ASCC3: variants seen among roughly 807,000 people sequenced by gnomAD.
ASCC3 encodes the protein activating signal cointegrator 1 complex subunit 3, also known as ASC-1 complex subunit P200.
In ASCC3, 158 loss-of-function variants were observed where a neutral mutation model predicts 256.3. The observed-to-expected ratio is 0.62, with a 90% CI of 0.54 to 0.70. The LOEUF (loss-of-function observed/expected upper bound fraction) is 0.70, where lower values mean the gene tolerates loss of function less well. Ranked by LOEUF, ASCC3 falls within the 30% of genes least tolerant of loss-of-function variation. The pLI, the probability that ASCC3 is intolerant of heterozygous loss-of-function variation, is 0.00. For missense variants in ASCC3, 2,259 were observed against 2,626.0 expected (o/e 0.86, Z 3.05); for synonymous variants, 948 against 883.4 (o/e 1.07, Z -1.30).
At chr6:100,726,395 A>T (rs1779629802) in intron 10 of ASCC3, among the ~76,000 whole-genome samples, 4 of 152,044 alleles carry the variant, frequency 2.6e-5, no homozygotes. Flanking sequence ...CCACCAACTT[A>T]GAACAGTATG....
intron 4 of ASCC3, among the ~76,000 whole-genome samples, chr6:100,835,832 CT>C (rs1041518505): frequency 5.9e-5 from 9 of 152,068 alleles, no homozygotes; most frequent in Non-Finnish European, 5.9e-5. Context: ...CTATAGATCA[CT>C]TTAGGAGTAT....
chr6:100,847,090 A>C (rs1772419121), intron 4 of ASCC3, among the ~76,000 whole-genome samples: 1 of 152,144 alleles, frequency 6.6e-6, no homozygotes, highest in Non-Finnish European at 1.5e-5. Flanking sequence ...ATTGTGGTGA[A>C]AGACTAAGAA....
At chr6:100,607,194 G>T (rs998390476) in intron 30 of ASCC3, 106 bp from the exon 31 acceptor site, 3 of 1,190,770 alleles carry the variant, frequency 2.5e-6, no homozygotes, top group African/African-American at 3.1e-5. Flanking sequence ...TTATTATATG[G>T]ACATAAAATA....
At chr6:100,822,672 T>C (rs530935621) in intron 4 of ASCC3, among the ~76,000 whole-genome samples, 1 of 152,234 alleles carries the variant, frequency 6.6e-6, no homozygotes, top group Admixed American at 6.5e-5. Flanking sequence ...AAAATTCAAA[T>C]AGATAACTAC....
intron 25 of ASCC3, among the ~76,000 whole-genome samples, chr6:100,634,054 CATATTT>C (rs1176440546): frequency 1.3e-5 from 2 of 152,032 alleles, no homozygotes; most frequent in Non-Finnish European, 2.9e-5. Flanking sequence ...TTCTTAAGTA[CATATTT>C]ATAAAGAACA....
intron 33 of ASCC3, among the ~76,000 whole-genome samples, chr6:100,602,371 T>C (rs1772664272): frequency 1.3e-5 from 2 of 152,206 alleles, no homozygotes; most frequent in Non-Finnish European, 1.5e-5. Flanking sequence ...CACTAGTGCC[T>C]GTCACATGGT....
Position 100,646,648 on chromosome 6 carries a change from G to A in ASCC3, c.3600C>T (p.Leu1200=), listed in dbSNP as rs1355899140. 1.2e-6 allele frequency: 2 copies of A among 1,614,084 alleles called. No homozygotes were observed. Among genetic ancestry groups the A allele is most frequent in the South Asian group, 1.1e-5 (1 of 91,080 alleles). The change falls in exon 22 of 42, where the codon CTC becomes CTT. Residue 1200 remains leucine, a synonymous_variant. Transcript: ENST00000369162. The part of the protein sequence containing the change: ...PITRTVLRVT[L]SIYADFTWND... The stretch of plus-strand genomic sequence containing the variant: ...TCCAAGTGAAATCAGCATAGATGCT[G>A]AGTGTCACTCGGAGGACAGTCCTTG...
At chr6:100,684,890 T>G (rs1345619113) in intron 13 of ASCC3, among the ~76,000 whole-genome samples, 2 of 137,546 alleles carry the variant, frequency 1.5e-5, no homozygotes, top group Non-Finnish European at 3.1e-5. Flanking sequence ...CACTGCAAAC[T>G]CCGCCTCCCG....
intron 4 of ASCC3, among the ~76,000 whole-genome samples, chr6:100,839,179 T>A (rs1015322409): frequency 1.3e-5 from 2 of 152,096 alleles, no homozygotes; most frequent in East Asian, 1.9e-4. Context: ...TTTCCAGCAT[T>A]CCCTTCTTAA....
intron 36 of ASCC3, among the ~76,000 whole-genome samples, chr6:100,553,072 A>G (rs968565052): frequency 3.9e-5 from 6 of 152,058 alleles, no homozygotes; most frequent in African/African-American, 1.4e-4. Context: ...AGAATATGAC[A>G]TGCTTGCTTC....
At chr6:100,776,879 A>C (rs927202655) in intron 8 of ASCC3, among the ~76,000 whole-genome samples, 2 of 152,110 alleles carry the variant, frequency 1.3e-5, no homozygotes, top group African/African-American at 4.8e-5. Flanking sequence ...ATTTCAGCAT[A>C]TATTTATGAT....
At chr6:100,841,947 C>A (rs1772163735) in intron 4 of ASCC3, among the ~76,000 whole-genome samples, 1 of 152,136 alleles carries the variant, frequency 6.6e-6, no homozygotes, top group Non-Finnish European at 1.5e-5. Context: ...CCATAGAATT[C>A]TAAACACACA....
At chr6:100,705,631 G>A (rs2115005691) in intron 13 of ASCC3, among the ~76,000 whole-genome samples, 1 of 152,032 alleles carries the variant, frequency 6.6e-6, no homozygotes, top group South Asian at 2.1e-4. Context: ...AAATTCCGAA[G>A]AGTATTCACT....
At chr6:100,788,508 T>C (rs1769196583) in intron 8 of ASCC3, among the ~76,000 whole-genome samples, 2 of 151,874 alleles carry the variant, frequency 1.3e-5, no homozygotes. Flanking sequence ...TAAATACCTG[T>C]ACATGAACAG....
chr6:100,836,491 G>A (rs1771882536), intron 4 of ASCC3, among the ~76,000 whole-genome samples: 1 of 152,072 alleles, frequency 6.6e-6, no homozygotes, highest in African/African-American at 2.4e-5. Flanking sequence ...TGCATCTACT[G>A]AAATGATCAG....
intron 4 of ASCC3, among the ~76,000 whole-genome samples, chr6:100,812,967 T>C (rs9485409): frequency 1.9e-5 from 1 of 51,614 alleles, no homozygotes; most frequent in Non-Finnish European, 6.0e-5. Flanking sequence ...GACAGACAGA[T>C]AGAAAGACAG....
chr6:100,632,379 G>A (rs1774599775), intron 25 of ASCC3, among the ~76,000 whole-genome samples: 1 of 151,752 alleles, frequency 6.6e-6, no homozygotes, highest in Non-Finnish European at 1.5e-5. Context: ...TAATATTGTT[G>A]AAATGGTCAT....
At chr6:100,690,179 T>C (rs1777777888) in intron 13 of ASCC3, among the ~76,000 whole-genome samples, 1 of 152,180 alleles carries the variant, frequency 6.6e-6, no homozygotes, top group Non-Finnish European at 1.5e-5. Flanking sequence ...CTGTATACTT[T>C]ATATCATATC....
At position 100,516,194 on chromosome 6, in the gene ASCC3, C is replaced by A. The variant is rs758365308; in HGVS notation, c.6061G>T (p.Ala2021Ser). ...GATGGTCTTACCTGTTTCGTTTTTG[C>A]AGCATGTAGCTCACTTTCTACCATG... ...SSMVESELHA[A>S]KTKQAWNFLS... The change falls in exon 39 of 42, where the codon GCA (alanine) becomes TCA (serine). Residue 2021 changes from alanine to serine, a missense_variant. Coordinates refer to ENST00000369162, the MANE Select transcript of ASCC3 (RefSeq NM_006828.4). 1 of 1,613,580 alleles carries A rather than the reference C, an allele frequency of 6.2e-7. No individual in the cohort carries two copies. Among genetic ancestry groups the A allele is most frequent in the South Asian group, 1.1e-5 (1 of 91,078 alleles).
Sources: gnomAD v4.1 joint callset for allele counts (sites outside exome capture counted in the v4.1 genomes callset) on GRCh38, gnomAD v4.1.1 for gene constraint, MANE v1.5 for transcripts, NCBI Gene and HGNC (gene_info 2026-07-23, HGNC 2026-07-21) for gene names.